PPARGC1A: variants seen among roughly 807,000 people sequenced by gnomAD.
PPARGC1A encodes PPARG coactivator 1 alpha.
PPARGC1A carries 25 observed loss-of-function variants against 88.7 expected under a neutral mutation model. The observed-to-expected ratio is 0.28, with a 90% CI of 0.21 to 0.39. PPARGC1A has a LOEUF of 0.39. Among genes scored for constraint, PPARGC1A ranks in the 10% least tolerant of loss-of-function variants. The probability of loss-of-function intolerance (pLI) is 1.00; values close to 1 mark genes in which losing one functional copy is unlikely to be tolerated. For missense variants in PPARGC1A, 880 were observed against 968.7 expected (o/e 0.91, Z 1.22); for synonymous variants, 363 against 355.6 (o/e 1.02, Z -0.24).
the PPARGC1A span, among the ~76,000 whole-genome samples, chr4:24,254,328 A>G: frequency 0.019 from 2,933 of 152,298 alleles, 52 homozygotes; most frequent in Non-Finnish European, 0.027. Flanking sequence ...AAGAGGCCAC[A>G]CCAGGTTTGA....
chr4:24,273,497 C>A, the PPARGC1A span, among the ~76,000 whole-genome samples: 1 of 152,082 alleles, frequency 6.6e-6, no homozygotes, highest in Non-Finnish European at 1.5e-5. Flanking sequence ...TTATTAGAGA[C>A]ACTGTATCAT....
the PPARGC1A span, among the ~76,000 whole-genome samples, chr4:23,988,246 T>C: frequency 6.6e-6 from 1 of 152,080 alleles, no homozygotes; most frequent in Non-Finnish European, 1.5e-5. Flanking sequence ...GCAATGAACA[T>C]ATGTGTGCAT....
intron 2 of PPARGC1A, chr4:23,881,800 T>G (rs377412366): frequency 3.9e-4 from 60 of 152,302 alleles, no homozygotes; most frequent in Admixed American, 2.5e-3. Flanking sequence ...CCTTCTCAAA[T>G]GTGATGAGGC....
the PPARGC1A span, among the ~76,000 whole-genome samples, chr4:23,982,909 C>A: frequency 1.3e-5 from 2 of 152,074 alleles, no homozygotes; most frequent in African/African-American, 4.8e-5. Context: ...AGCCCATGGG[C>A]CGAATTTGGC....
rs112343885 is a variant in PPARGC1A at position 23,830,072 on chromosome 4, G to A, written c.430-487C>T. ...AAATGAAGACATGGGAGTGGAGTGT[G>A]GGGGGTGGGGGAGAATAGATACACA... On this transcript the variant is annotated intron_variant, in intron 3 of 12. Coordinates refer to ENST00000264867, the MANE Select transcript of PPARGC1A (RefSeq NM_013261.5). Among the ~76,000 whole-genome samples, 716 of 152,180 alleles carry A rather than the reference G, an allele frequency of 4.7e-3. 6 individuals carry two copies. The highest frequency in any genetic ancestry group is 0.027 in the Middle Eastern group (8 of 294).
At chr4:23,930,000 C>T in the PPARGC1A span, among the ~76,000 whole-genome samples, 1 of 152,136 alleles carries the variant, frequency 6.6e-6, no homozygotes, top group Non-Finnish European at 1.5e-5. Context: ...TATTCAACCT[C>T]TCCTATAGAT....
the PPARGC1A span, among the ~76,000 whole-genome samples, chr4:24,365,776 G>A: frequency 2.6e-5 from 4 of 151,624 alleles, no homozygotes; most frequent in African/African-American, 4.8e-5. Flanking sequence ...TTTAATATAT[G>A]CTTCAACTTT....
chr4:24,391,984 T>G, the PPARGC1A span, among the ~76,000 whole-genome samples: 2 of 152,144 alleles, frequency 1.3e-5, no homozygotes, highest in African/African-American at 2.4e-5. Context: ...AAATTAGTTT[T>G]TAATGTAAAA....
At chr4:24,009,502 G>A in the PPARGC1A span, among the ~76,000 whole-genome samples, 1 of 152,230 alleles carries the variant, frequency 6.6e-6, no homozygotes, top group African/African-American at 2.4e-5. Flanking sequence ...CCATTAGGAT[G>A]ACAGGCAGTG....
At chr4:23,998,660 G>A in the PPARGC1A span, among the ~76,000 whole-genome samples, 1 of 152,064 alleles carries the variant, frequency 6.6e-6, no homozygotes, top group Non-Finnish European at 1.5e-5. Flanking sequence ...AGAGTACATG[G>A]GCCAGATATA....
the PPARGC1A span, among the ~76,000 whole-genome samples, chr4:24,408,183 A>G: frequency 1.1e-3 from 168 of 152,122 alleles, no homozygotes; most frequent in Non-Finnish European, 1.9e-3. Context: ...TCATGGATAC[A>G]TACAGCAAAA....
chr4:24,085,845 G>T, the PPARGC1A span, among the ~76,000 whole-genome samples: 1 of 152,046 alleles, frequency 6.6e-6, no homozygotes, highest in African/African-American at 2.4e-5. Context: ...AGGCTGCTTG[G>T]GTCTCAGTCT....
the PPARGC1A span, among the ~76,000 whole-genome samples, chr4:24,011,308 A>C: frequency 5.5e-3 from 843 of 152,246 alleles, 7 homozygotes; most frequent in African/African-American, 0.019. Context: ...GCATCCCATC[A>C]TAAGGGCTTG....
chr4:23,831,903 AT>A (rs1265683644), intron 2 of PPARGC1A, 152 bp from the exon 3 acceptor site: 2 of 647,848 alleles, frequency 3.1e-6, no homozygotes, highest in Non-Finnish European at 5.3e-6. Context: ...CAAACTCCAA[AT>A]TCATGTTTTG....
the PPARGC1A span, among the ~76,000 whole-genome samples, chr4:24,422,147 C>T: frequency 9.2e-5 from 14 of 152,176 alleles, no homozygotes; most frequent in Non-Finnish European, 4.4e-5. Context: ...GGACACAGCC[C>T]ACCATTCATT....
the PPARGC1A span, among the ~76,000 whole-genome samples, chr4:24,298,101 C>T: frequency 1.3e-5 from 2 of 151,612 alleles, no homozygotes; most frequent in African/African-American, 4.9e-5. Context: ...TCAGTAGTCA[C>T]ATTATCTGTG....
chr4:24,410,537 G>C, the PPARGC1A span, among the ~76,000 whole-genome samples: 1 of 152,190 alleles, frequency 6.6e-6, no homozygotes, highest in Non-Finnish European at 1.5e-5. Context: ...AACTTGATTG[G>C]ATTGAAGGAT....
At chr4:24,356,878 T>C in the PPARGC1A span, among the ~76,000 whole-genome samples, 1 of 152,212 alleles carries the variant, frequency 6.6e-6, no homozygotes, top group African/African-American at 2.4e-5. Flanking sequence ...ATATTACTAG[T>C]GCTCACCCAA....
chr4:24,111,953 T>C, the PPARGC1A span, among the ~76,000 whole-genome samples: 1 of 152,200 alleles, frequency 6.6e-6, no homozygotes, highest in South Asian at 2.1e-4. Context: ...CAACACATTA[T>C]TAAGAGAACT....
Sources: gnomAD v4.1 joint callset for allele counts (sites outside exome capture counted in the v4.1 genomes callset) on GRCh38, gnomAD v4.1.1 for gene constraint, MANE v1.5 for transcripts, NCBI Gene and HGNC (gene_info 2026-07-23, HGNC 2026-07-21) for gene names.